The following FBN2 variants were observed in gnomAD, a reference collection of about 807,000 sequenced individuals.
The protein encoded by FBN2 is fibrillin 2.
FBN2 carries 105 observed loss-of-function variants against 355.6 expected under a neutral mutation model. The ratio of observed to expected loss-of-function variants is 0.30; its 90% CI spans 0.25 to 0.35. FBN2 has a LOEUF of 0.35. Ranked by LOEUF, FBN2 falls within the 10% of genes least tolerant of loss-of-function variation. FBN2 has a pLI of 1.00. For missense variants in FBN2, 3,280 were observed against 3,758.7 expected (o/e 0.87, Z 3.33); for synonymous variants, 1,350 against 1,301.2 (o/e 1.04, Z -0.81).
intron 25 of FBN2, among the ~76,000 whole-genome samples, chr5:128,341,147 A>G (rs941778631): frequency 6.6e-6 from 1 of 152,162 alleles, no homozygotes; most frequent in Admixed American, 6.5e-5. Flanking sequence ...ACAGAACTTC[A>G]CAGTATATCC....
intron 25 of FBN2, among the ~76,000 whole-genome samples, chr5:128,342,831 C>T (rs750051907): frequency 4.6e-5 from 7 of 151,866 alleles, no homozygotes; most frequent in Admixed American, 1.3e-4. Flanking sequence ...TGGGTTTAAG[C>T]GATCCTCCTG....
At chr5:128,283,720 C>T (rs1749054069) in intron 55 of FBN2, among the ~76,000 whole-genome samples, 1 of 152,118 alleles carries the variant, frequency 6.6e-6, no homozygotes, top group Non-Finnish European at 1.5e-5. Flanking sequence ...CTTGATATTC[C>T]CACTTGGAAA....
intron 2 of FBN2, among the ~76,000 whole-genome samples, chr5:128,533,352 T>C (rs1257458459): frequency 6.6e-6 from 1 of 152,178 alleles, no homozygotes; most frequent in African/African-American, 2.4e-5. Flanking sequence ...CATTTACCTG[T>C]CGTGGATACA....
intron 5 of FBN2, among the ~76,000 whole-genome samples, chr5:128,489,226 A>C (rs1050913947): frequency 4.3e-4 from 65 of 152,306 alleles, no homozygotes; most frequent in Middle Eastern, 3.4e-3. Flanking sequence ...AATTAAGACA[A>C]GTTTGTTAGA....
chr5:128,353,581 C>T (rs917509512), intron 20 of FBN2, among the ~76,000 whole-genome samples: 1 of 152,146 alleles, frequency 6.6e-6, no homozygotes. Flanking sequence ...TTTAAATGAT[C>T]TTTTAATGAC....
chr5:128,489,183 A>AGTGCC (rs1755433965), intron 5 of FBN2, among the ~76,000 whole-genome samples: 1 of 152,098 alleles, frequency 6.6e-6, no homozygotes, highest in Admixed American at 6.5e-5. Flanking sequence ...CTTTTTAATG[A>AGTGCC]TTGCCATTCT....
At chr5:128,531,720 G>GTATATATATA (rs1220360480) in intron 2 of FBN2, among the ~76,000 whole-genome samples, 2 of 143,160 alleles carry the variant, frequency 1.4e-5, no homozygotes, top group East Asian at 4.0e-4. Flanking sequence ...ATATGTATGT[G>GTATATATATA]TGTATATATA....
intron 34 of FBN2, among the ~76,000 whole-genome samples, chr5:128,323,511 A>ACT (rs1750449338): frequency 6.6e-6 from 1 of 152,198 alleles, no homozygotes; most frequent in Admixed American, 6.5e-5. Flanking sequence ...TCAAAGGCCT[A>ACT]GTTTTATCGA....
intron 2 of FBN2, among the ~76,000 whole-genome samples, chr5:128,534,336 T>A (rs1313626213): frequency 6.6e-6 from 1 of 152,194 alleles, no homozygotes; most frequent in Non-Finnish European, 1.5e-5. Context: ...ACTTATTACC[T>A]CTACATATGA....
At chr5:128,416,103 C>T (rs777108842) in intron 7 of FBN2, among the ~76,000 whole-genome samples, 1 of 151,394 alleles carries the variant, frequency 6.6e-6, no homozygotes, top group African/African-American at 2.4e-5. Context: ...CTCGGCTCAC[C>T]GCAACCTCTA....
At chr5:128,282,890 C>T (rs960385093) in intron 55 of FBN2, among the ~76,000 whole-genome samples, 4 of 152,184 alleles carry the variant, frequency 2.6e-5, no homozygotes, top group Admixed American at 6.5e-5. Flanking sequence ...GGAAAACAGG[C>T]TTCATTTCAA....
intron 6 of FBN2, among the ~76,000 whole-genome samples, chr5:128,459,744 C>T (rs1754505786): frequency 6.6e-6 from 1 of 152,174 alleles, no homozygotes; most frequent in South Asian, 2.1e-4. Context: ...GCAGAAAATA[C>T]TTTCTATAAA....
At chr5:128,277,493 C>A (rs940031261) in intron 58 of FBN2, among the ~76,000 whole-genome samples, 1 of 152,106 alleles carries the variant, frequency 6.6e-6, no homozygotes, top group Admixed American at 6.5e-5. Context: ...AAGCCCTTTT[C>A]CTTCAGTCAA....
Position 128,305,919 on chromosome 5 carries a change from T to C in FBN2, c.5452A>G (p.Ile1818Val). ...TTAATGCACACACCATTTGCACAAA[T>C]GCCTGGAATCTCTTTACATTCATCA... ...DIDECKEIPG[I>V]CANGVCINQI... Residue 1818 changes from isoleucine to valine, a missense_variant, in exon 43 of 65, where the codon ATT becomes GTT. Physicochemically the swap from Ile to Val is conservative, Grantham distance 29. This residue lies in a region of FBN2 where 2,284 missense variants were observed against 2,749.5 expected (regional missense o/e 0.83). Coordinates refer to ENST00000262464, the MANE Select transcript of FBN2 (RefSeq NM_001999.4). 1.2e-6 allele frequency: 2 copies of C among 1,613,946 alleles called. No homozygotes were observed. The highest frequency in any genetic ancestry group is 1.7e-6 in the Non-Finnish European group (2 of 1,179,836).
At chr5:128,267,866 G>C (rs1765156718) in intron 62 of FBN2, among the ~76,000 whole-genome samples, 1 of 152,170 alleles carries the variant, frequency 6.6e-6, no homozygotes, top group Non-Finnish European at 1.5e-5. Context: ...CAGAATCTCT[G>C]AGACACAGCT....
chr5:128,318,073 T>A, intron 36 of FBN2, 76 bp downstream of exon 36: 1 of 1,479,264 alleles, frequency 6.8e-7, no homozygotes, highest in Admixed American at 1.7e-5. Flanking sequence ...CAAACACTCA[T>A]CACGGTTCAT....
intron 8 of FBN2, among the ~76,000 whole-genome samples, chr5:128,403,421 G>A (rs1752849854): frequency 6.6e-6 from 1 of 152,108 alleles, no homozygotes; most frequent in Admixed American, 6.5e-5. Flanking sequence ...GAACTTAACT[G>A]GCCCTTTTGG....
intron 11 of FBN2, among the ~76,000 whole-genome samples, chr5:128,388,156 T>C (rs538987916): frequency 2.9e-4 from 44 of 152,308 alleles, no homozygotes; most frequent in African/African-American, 9.6e-4. Flanking sequence ...TAAATTAGAA[T>C]AGCAACTCCC....
At position 128,328,825 on chromosome 5, in the gene FBN2, T is replaced by C. The variant is rs754003895; in HGVS notation, c.4346-4A>G. On this transcript the variant is annotated splice_region_variant and splice_polypyrimidine_tract_variant and intron_variant, in intron 33 of 64. Transcript: ENST00000262464. ...TTTTCTGCACACTCATCAACATCTG[T>C]GCAAAAAAGCAAATTACATCTCTGT... 2 of 1,614,136 alleles carry C rather than the reference T, an allele frequency of 1.2e-6. No individual in the cohort carries two copies. The highest frequency in any genetic ancestry group is 8.5e-7 in the Non-Finnish European group (1 of 1,180,022).
Sources: gnomAD v4.1 joint callset for allele counts (sites outside exome capture counted in the v4.1 genomes callset) on GRCh38, gnomAD v4.1.1 for gene constraint, gnomAD v4.1.1 regional missense constraint, MANE v1.5 for transcripts, NCBI Gene and HGNC (gene_info 2026-07-23, HGNC 2026-07-21) for gene names.